Variants in VPS53 observed in about 807,000 individuals in gnomAD.
VPS53 encodes VPS53 subunit of GARP complex.
Under a neutral mutation model 107.0 loss-of-function variants are expected in VPS53, and 70 were observed. The observed-to-expected ratio is 0.65, with a 90% CI of 0.54 to 0.80. VPS53 has a LOEUF of 0.80. VPS53 is among the 30% of genes least tolerant of loss of function. The pLI, the probability that VPS53 is intolerant of heterozygous loss-of-function variation, is 0.00. For missense variants in VPS53, 917 were observed against 1,049.4 expected (o/e 0.87, Z 1.74); for synonymous variants, 409 against 393.3 (o/e 1.04, Z -0.47).
At position 510,607 on chromosome 17, in the gene VPS53, G is replaced by T. The variant is rs1471815449; in HGVS notation, c.*8521C>A. 6.5e-6 allele frequency: 1 copy of T among 153,592 alleles called. No individual in the cohort carries two copies. The highest frequency in any genetic ancestry group is 1.4e-5 in the Non-Finnish European group (1 of 69,046). 9.5% of individuals were successfully genotyped at this position (153,592 alleles called of 1,614,324 possible). A position where few individuals can be genotyped will look rare whatever the true frequency, so the allele number is the denominator to read the frequency against. ...GCCTCCAAGTCCCGTCCACTAAACG[G>T]AGCTTAACTTAGCAGGAATTTCATC... On this transcript the variant is annotated 3_prime_UTR_variant, in exon 22 of 22. Coordinates refer to ENST00000437048, the MANE Select transcript of VPS53 (RefSeq NM_001128159.3).
chr17:669,280 T>C (rs1019283372), intron 4 of VPS53, among the ~76,000 whole-genome samples: 1 of 152,150 alleles, frequency 6.6e-6, no homozygotes, highest in Non-Finnish European at 1.5e-5. Flanking sequence ...GCACTGTCCC[T>C]AGACACTTTT....
At chr17:677,231 A>G (rs993188625) in intron 4 of VPS53, among the ~76,000 whole-genome samples, 5 of 152,212 alleles carry the variant, frequency 3.3e-5, no homozygotes, top group African/African-American at 1.2e-4. Context: ...GGATACACAC[A>G]ATGTGGTGGA....
intron 13 of VPS53, among the ~76,000 whole-genome samples, chr17:567,942 C>G (rs1363456752): frequency 6.6e-6 from 1 of 151,860 alleles, no homozygotes; most frequent in Non-Finnish European, 1.5e-5. Flanking sequence ...TACCTCCTTC[C>G]CGAAATACTG....
intron 4 of VPS53, among the ~76,000 whole-genome samples, chr17:662,751 GAGAA>G (rs148578494): frequency 0.54 from 45,408 of 83,782 alleles, 13,218 homozygotes; most frequent in African/African-American, 0.59. Flanking sequence ...GACAAAGAAA[GAGAA>G]AGAAAGAAAG....
intron 15 of VPS53, among the ~76,000 whole-genome samples, chr17:554,172 A>AAT (rs1912124764): frequency 6.6e-6 from 1 of 152,194 alleles, no homozygotes; most frequent in Non-Finnish European, 1.5e-5. Flanking sequence ...ATAGTCAGTG[A>AAT]ATGCTACTAC....
intron 5 of VPS53, among the ~76,000 whole-genome samples, chr17:657,978 A>G (rs111394910): frequency 7.0e-6 from 1 of 142,036 alleles, no homozygotes; most frequent in Non-Finnish European, 1.5e-5. Context: ...TCGTGGATAG[A>G]TACATCCCAC....
rs528363134 is a variant in VPS53 at position 527,606 on chromosome 17, ACT to A, written c.2085+5234_2085+5235del. 7.9e-5 allele frequency among the ~76,000 whole-genome samples: 12 copies of A among 151,592 alleles called. No homozygotes were observed. In the East Asian group the frequency reaches 2.3e-3, roughly 29 times the overall value. On this transcript the variant is annotated intron_variant, in intron 19 of 21. Coordinates refer to ENST00000437048, the MANE Select transcript of VPS53 (RefSeq NM_001128159.3). ...ATCCTTACCAACACTTGGTATCATC[ACT>A]CTTTTAAATTATTATTATGATTAGA...
At chr17:568,467 G>A (rs756221995) in intron 13 of VPS53, among the ~76,000 whole-genome samples, 2 of 151,880 alleles carry the variant, frequency 1.3e-5, no homozygotes, top group Non-Finnish European at 2.9e-5. Flanking sequence ...GGCTGGTCTC[G>A]AACTCCTGAG....
intron 11 of VPS53, among the ~76,000 whole-genome samples, chr17:603,580 C>A (rs1968422155): frequency 6.7e-6 from 1 of 148,188 alleles, no homozygotes; most frequent in African/African-American, 2.4e-5. Flanking sequence ...AGCCTCGGTG[C>A]ATGACAAAGC....
Position 537,127 on chromosome 17 carries a change from GT to G in VPS53, c.1915del (p.Thr639ProfsTer65), listed in dbSNP as rs1241048094. On this transcript the variant is annotated frameshift_variant, in exon 18 of 22. Transcript: ENST00000437048. LOFTEE classifies it high-confidence loss of function. ...EHVGDQSPYV[T>X]SVILHIKQNV... is the part of the protein sequence containing the mutation. ...CTGCTTGATGTGCAGAATGACAGAG[GT>G]GACGTAGGGGCTCTGGTCACCAACG... 2 of 1,614,000 alleles carry G rather than the reference GT, an allele frequency of 1.2e-6. No homozygotes were observed. The highest frequency in any genetic ancestry group is 1.7e-6 in the Non-Finnish European group (2 of 1,180,036).
At chr17:631,230 C>T (rs1039381164) in intron 8 of VPS53, among the ~76,000 whole-genome samples, 2 of 151,616 alleles carry the variant, frequency 1.3e-5, no homozygotes, top group South Asian at 2.1e-4. Context: ...AAAAACACCG[C>T]GGCATGAAGA....
At chr17:608,521 T>A (rs140836174) in intron 11 of VPS53, among the ~76,000 whole-genome samples, 6 of 152,316 alleles carry the variant, frequency 3.9e-5, no homozygotes, top group African/African-American at 1.4e-4. Flanking sequence ...GGGAGGGATA[T>A]ACAGTAGTTA....
At chr17:577,795 G>A (rs1312766703) in intron 13 of VPS53, among the ~76,000 whole-genome samples, 2 of 150,700 alleles carry the variant, frequency 1.3e-5, no homozygotes, top group African/African-American at 4.9e-5. Context: ...CGTTCCCAGA[G>A]AAATTCCCTC....
chr17:656,774 C>A (rs1971208249), intron 5 of VPS53: 1 of 1,073,448 alleles, frequency 9.3e-7, no homozygotes. Context: ...AAAGATCTAA[C>A]ATGTCACCCA....
At chr17:535,140 G>A (rs906517239) in intron 18 of VPS53, among the ~76,000 whole-genome samples, 3 of 152,150 alleles carry the variant, frequency 2.0e-5, no homozygotes, top group African/African-American at 7.2e-5. Context: ...TCTGTTAAGC[G>A]GGATTTTAGC....
At chr17:616,288 G>C (rs1018976593) in intron 11 of VPS53, 3 of 152,258 alleles carry the variant, frequency 2.0e-5, no homozygotes, top group African/African-American at 7.2e-5. Flanking sequence ...GAAGTCTGTG[G>C]AGAGGAGAGC....
chr17:629,718 G>A lies in VPS53; in HGVS notation c.688-1487C>T, dbSNP rs147292408. ...GTGGAGCTTGCAGTGAGCCGAGATC[G>A]CACCACGACACTCCAGCCTGGGCAA... is the stretch of plus-strand genomic sequence containing the variant. On this transcript the variant is annotated intron_variant, in intron 8 of 21. Transcript: ENST00000437048. Among the ~76,000 whole-genome samples the A allele has an allele frequency of 7.6e-4, 115 of 150,752 alleles. No homozygotes were observed. The East Asian group carries it at 0.015, about 20-fold the overall frequency.
At chr17:553,573 A>AAT in intron 15 of VPS53, 111 bp from the exon 16 acceptor site, 5 of 746,706 alleles carry the variant, frequency 6.7e-6, no homozygotes, top group Non-Finnish European at 1.0e-5. Flanking sequence ...AATTCCATAC[A>AAT]CTTTTTTTTT....
In VPS53 at chr17:687,994, C is replaced by T. The variant is rs73976862; in HGVS notation, c.285+9424G>A. Among the ~76,000 whole-genome samples the T allele has an allele frequency of 2.6e-3, 396 of 152,198 alleles. 3 individuals are homozygous for T. Among genetic ancestry groups the T allele is most frequent in the African/African-American group, 9.2e-3 (383 of 41,510 alleles). On this transcript the variant is annotated intron_variant, in intron 4 of 21. Transcript: ENST00000437048. ...ATCCTTAGAGAATTGAAATAAAATG[C>T]CCAGTCCTTCACTGTACATAGAGGA...
Sources: gnomAD v4.1 joint callset for allele counts (sites outside exome capture counted in the v4.1 genomes callset) on GRCh38, gnomAD v4.1.1 for gene constraint, MANE v1.5 for transcripts, NCBI Gene and HGNC (gene_info 2026-07-23, HGNC 2026-07-21) for gene names.